Variants in CDH10 observed in about 807,000 individuals in gnomAD.
The protein encoded by CDH10 is cadherin 10, also known as cadherin-10.
A neutral mutation model predicts 73.1 loss-of-function variants in CDH10; 30 were observed. The observed-to-expected ratio is 0.41, with a 90% CI of 0.31 to 0.56. CDH10 has a LOEUF of 0.56. Ranked by LOEUF, CDH10 falls within the 20% of genes least tolerant of loss-of-function variation. The probability of loss-of-function intolerance (pLI) is 0.27; values close to 1 mark genes in which losing one functional copy is unlikely to be tolerated. For synonymous variants in CDH10, 345 were observed against 348.2 expected (o/e 0.99, Z 0.10); for missense variants, 815 against 973.7 (o/e 0.84, Z 2.17).
At chr5:24,642,395 A>C (rs1481230197) in intron 1 of CDH10, among the ~76,000 whole-genome samples, 1 of 151,888 alleles carries the variant, frequency 6.6e-6, no homozygotes, top group African/African-American at 2.4e-5. Flanking sequence ...CAAGAAATTC[A>C]CCCTATTTTT....
At chr5:24,562,926 T>A (rs1288905612) in intron 2 of CDH10, among the ~76,000 whole-genome samples, 1 of 152,232 alleles carries the variant, frequency 6.6e-6, no homozygotes, top group African/African-American at 2.4e-5. Flanking sequence ...ACTTGATGAA[T>A]GATCATTGCT....
intron 2 of CDH10, among the ~76,000 whole-genome samples, chr5:24,589,326 C>T (rs1343025855): frequency 1.3e-5 from 2 of 152,060 alleles, no homozygotes; most frequent in Non-Finnish European, 2.9e-5. Context: ...GTAATGGTAA[C>T]TCTGAAGGGA....
At chr5:24,596,417 T>C (rs373720888) in intron 1 of CDH10, among the ~76,000 whole-genome samples, 2 of 151,972 alleles carry the variant, frequency 1.3e-5, no homozygotes, top group African/African-American at 4.8e-5. Context: ...ACGATTATCA[T>C]TTCATGCAAA....
intron 2 of CDH10, among the ~76,000 whole-genome samples, chr5:24,571,859 G>T (rs78561393): frequency 0.035 from 5,384 of 151,694 alleles, 246 homozygotes; most frequent in African/African-American, 0.09. Flanking sequence ...ACCTCAGCTG[G>T]GCATGTAAAA....
intron 5 of CDH10, among the ~76,000 whole-genome samples, chr5:24,518,361 A>G (rs530176623): frequency 4.6e-4 from 70 of 152,248 alleles, no homozygotes; most frequent in African/African-American, 1.6e-3. Flanking sequence ...CATGTTGGAG[A>G]CAGAGACAGA....
chr5:24,563,095 A>G (rs1745019871), intron 2 of CDH10, among the ~76,000 whole-genome samples: 1 of 152,214 alleles, frequency 6.6e-6, no homozygotes, highest in African/African-American at 2.4e-5. Flanking sequence ...TGTGGTACAA[A>G]TAACCACCTC....
chr5:24,554,484 G>A (rs774483523), intron 2 of CDH10, among the ~76,000 whole-genome samples: 52,834 of 137,920 alleles, frequency 0.38, 11,088 homozygotes, highest in East Asian at 0.54. Context: ...GTGTGTGTGT[G>A]TGTGTGTGTG....
chr5:24,538,266 A>G (rs140739281), intron 2 of CDH10, among the ~76,000 whole-genome samples: 1 of 152,266 alleles, frequency 6.6e-6, no homozygotes, highest in Admixed American at 6.6e-5. Context: ...AGATATCTAC[A>G]TAACACATGT....
At chr5:24,504,066 A>C (rs1742593395) in intron 8 of CDH10, among the ~76,000 whole-genome samples, 1 of 152,150 alleles carries the variant, frequency 6.6e-6, no homozygotes, top group African/African-American at 2.4e-5. Flanking sequence ...AGTTAATATT[A>C]AATATACATT....
intron 9 of CDH10, among the ~76,000 whole-genome samples, chr5:24,497,959 C>T (rs1461178549): frequency 2.6e-5 from 4 of 152,150 alleles, no homozygotes; most frequent in African/African-American, 4.8e-5. Flanking sequence ...GATGCAAAAC[C>T]GTATCTGCAC....
In CDH10 at chr5:24,606,189, G is replaced by A. The variant is rs191642851; in HGVS notation, c.-123-12576C>T. 3.5e-4 allele frequency among the ~76,000 whole-genome samples: 53 copies of A among 152,266 alleles called. 1 individual carries two copies. In the East Asian group the frequency reaches 9.7e-3, roughly 28 times the overall value. ...CATAGAACTTTACCCTAGAAAGGATGAATTTTACTATCTGTAAATTTTACT... is the reference window on the plus strand; with the variant it reads ...CATAGAACTTTACCCTAGAAAGGATAAATTTTACTATCTGTAAATTTTACT... On this transcript the variant is annotated intron_variant, in intron 1 of 11. Coordinates refer to ENST00000264463, the MANE Select transcript of CDH10 (RefSeq NM_006727.5).
At chr5:24,586,430 A>T (rs558911457) in intron 2 of CDH10, among the ~76,000 whole-genome samples, 119 of 106,634 alleles carry the variant, frequency 1.1e-3, no homozygotes, top group Middle Eastern at 0.01. Flanking sequence ...TGCTTTATTA[A>T]CTCCTTTTTT....
chr5:24,534,102 T>C (rs1297729504), intron 5 of CDH10, among the ~76,000 whole-genome samples: 1 of 152,128 alleles, frequency 6.6e-6, no homozygotes, highest in Non-Finnish European at 1.5e-5. Flanking sequence ...ACAATGCTGT[T>C]AATTCTTAGA....
chr5:24,495,674 CTG>C (rs1742251789), intron 9 of CDH10, among the ~76,000 whole-genome samples: 1 of 151,652 alleles, frequency 6.6e-6, no homozygotes, highest in Non-Finnish European at 1.5e-5. Flanking sequence ...TGGTGAAACC[CTG>C]CCTCTACTAA....
chr5:24,526,204 A>G (rs1256204612), intron 5 of CDH10, among the ~76,000 whole-genome samples: 1 of 152,004 alleles, frequency 6.6e-6, no homozygotes, highest in African/African-American at 2.4e-5. Context: ...ACATCATGAT[A>G]CAGAAGGAGT....
intron 5 of CDH10, among the ~76,000 whole-genome samples, chr5:24,517,573 T>C (rs1488422353): frequency 2.5e-5 from 3 of 117,808 alleles, no homozygotes; most frequent in Admixed American, 8.0e-5. Context: ...ATACATTGAA[T>C]CATATTTGTT....
At chr5:24,553,849 T>G (rs1404263641) in intron 2 of CDH10, among the ~76,000 whole-genome samples, 1 of 151,862 alleles carries the variant, frequency 6.6e-6, no homozygotes, top group Non-Finnish European at 1.5e-5. Context: ...TTTTTGAGGT[T>G]GGGTGGGGCA....
chr5:24,515,686 C>T (rs982347123), intron 5 of CDH10, among the ~76,000 whole-genome samples: 2 of 152,164 alleles, frequency 1.3e-5, no homozygotes, highest in African/African-American at 2.4e-5. Flanking sequence ...CACTCTCCTG[C>T]AATCTGTGGG....
intron 5 of CDH10, among the ~76,000 whole-genome samples, chr5:24,516,886 A>G (rs1743128632): frequency 6.6e-6 from 1 of 151,908 alleles, no homozygotes; most frequent in Non-Finnish European, 1.5e-5. Context: ...ATAGTGCAGT[A>G]TTAAAAATTA....
Sources: gnomAD v4.1 joint callset for allele counts (sites outside exome capture counted in the v4.1 genomes callset) on GRCh38, gnomAD v4.1.1 for gene constraint, MANE v1.5 for transcripts, NCBI Gene and HGNC (gene_info 2026-07-23, HGNC 2026-07-21) for gene names.